Variants in TAFA2 observed in about 807,000 individuals in gnomAD.
TAFA2 encodes TAFA chemokine like family member 2, also known as chemokine-like protein TAFA-2.
Under a neutral mutation model 18.8 loss-of-function variants are expected in TAFA2, and 7 were observed. The ratio of observed to expected loss-of-function variants is 0.37; its 90% CI spans 0.21 to 0.70. The LOEUF is 0.70. TAFA2 is among the 30% of genes least tolerant of loss of function. The pLI is 0.53. For synonymous variants in TAFA2, 60 were observed against 54.2 expected (o/e 1.11, Z -0.47); for missense variants, 122 against 158.1 (o/e 0.77, Z 1.23).
chr12:61,961,170 C>T (rs538585194), intron 1 of TAFA2, among the ~76,000 whole-genome samples: 5 of 151,942 alleles, frequency 3.3e-5, no homozygotes, highest in Admixed American at 6.6e-5. Flanking sequence ...AGGTGCCACA[C>T]ACTTGTAAAC....
chr12:61,813,516 A>AT (rs1163655368), intron 2 of TAFA2, among the ~76,000 whole-genome samples: 3 of 151,148 alleles, frequency 2.0e-5, no homozygotes, highest in African/African-American at 4.9e-5. Context: ...CTCTTTTAGG[A>AT]TTTTTTCCTT....
At chr12:61,954,491 G>T (rs185761432) in intron 1 of TAFA2, among the ~76,000 whole-genome samples, 8 of 152,040 alleles carry the variant, frequency 5.3e-5, no homozygotes, top group Non-Finnish European at 1.2e-4. Context: ...TATGGATTTG[G>T]TTATTCTCAA....
At chr12:62,022,138 G>A in intron 1 of TAFA2, 1 of 440,912 alleles carries the variant, frequency 2.3e-6, no homozygotes, top group Non-Finnish European at 4.5e-6. Context: ...TCTGTGTTCT[G>A]GTGGCTAAGA....
At chr12:61,823,242 A>T (rs1462358578) in intron 2 of TAFA2, among the ~76,000 whole-genome samples, 2 of 151,940 alleles carry the variant, frequency 1.3e-5, no homozygotes, top group Non-Finnish European at 2.9e-5. Context: ...GCATGATCAT[A>T]GCTCACTGCA....
chr12:61,770,115 T>C (rs1309192585), intron 2 of TAFA2, among the ~76,000 whole-genome samples: 4 of 151,630 alleles, frequency 2.6e-5, no homozygotes, highest in Non-Finnish European at 4.4e-5. Flanking sequence ...ATCTCAGCAA[T>C]AGAATTGAAG....
chr12:61,721,029 A>G (rs760531105), intron 4 of TAFA2: 10 of 464,352 alleles, frequency 2.2e-5, no homozygotes, highest in Non-Finnish European at 4.3e-5. Flanking sequence ...GGACAACAAG[A>G]CAATAATGTC....
At chr12:62,099,350 T>C (rs1223686127) in intron 1 of TAFA2, among the ~76,000 whole-genome samples, 1 of 152,186 alleles carries the variant, frequency 6.6e-6, no homozygotes, top group Non-Finnish European at 1.5e-5. Flanking sequence ...TCAGTCTTCT[T>C]AACTGCAGTA....
intron 1 of TAFA2, among the ~76,000 whole-genome samples, chr12:62,214,566 A>G (rs759590725): frequency 1.3e-5 from 2 of 152,226 alleles, no homozygotes; most frequent in Non-Finnish European, 2.9e-5. Flanking sequence ...AACTCCTACT[A>G]TCTCAGAATG....
intron 1 of TAFA2, among the ~76,000 whole-genome samples, chr12:62,127,119 G>T (rs371100083): frequency 2.6e-5 from 4 of 152,094 alleles, no homozygotes; most frequent in East Asian, 3.9e-4. Context: ...TTCATCATGG[G>T]TTTATGTATT....
At chr12:61,806,332 C>T (rs1871611566) in intron 2 of TAFA2, among the ~76,000 whole-genome samples, 1 of 152,076 alleles carries the variant, frequency 6.6e-6, no homozygotes, top group Admixed American at 6.6e-5. Context: ...GGGGGAGTTT[C>T]CCTGCACAAG....
At chr12:61,978,526 C>T (rs930135587) in intron 1 of TAFA2, among the ~76,000 whole-genome samples, 1 of 151,670 alleles carries the variant, frequency 6.6e-6, no homozygotes, top group African/African-American at 2.4e-5. Flanking sequence ...ACAGAAGTAC[C>T]ACGGGGGATG....
At chr12:62,089,244 G>T (rs1038740407) in intron 1 of TAFA2, among the ~76,000 whole-genome samples, 3 of 152,084 alleles carry the variant, frequency 2.0e-5, no homozygotes, top group African/African-American at 7.2e-5. Context: ...TTTTTAAAGT[G>T]ATGGGTAATT....
rs55651727 is a variant in TAFA2, at chr12:61,851,774, C to CAAAAAAAAAAAAAAAA, written c.106+15530_106+15545dup. 2.8e-4 allele frequency among the ~76,000 whole-genome samples: 4 copies of CAAAAAAAAAAAAAAAA among 14,502 alleles called. 1 individual carries two copies. The highest frequency in any genetic ancestry group is 6.0e-4 in the African/African-American group (4 of 6,644). The allele number at this position is 14,502 out of a possible 152,430, so 9.5% of individuals were successfully genotyped here. A position where few individuals can be genotyped will look rare whatever the true frequency, so the allele number is the denominator to read the frequency against. ...TGGGCGACAGAGCGAGACTCCATCT[C>CAAAAAAAAAAAAAAAA]AAAAAAAAAAAAAAAAAAAAAAAAA... On this transcript the variant is annotated intron_variant, in intron 2 of 4. Transcript: ENST00000416284.
chr12:61,867,405 C>T lies in TAFA2; in HGVS notation c.21G>A (p.Gln7=), dbSNP rs186809868. 1,165 of 1,586,162 alleles carry T rather than the reference C, an allele frequency of 7.3e-4. 20 individuals are homozygous for T. The East Asian group carries it at 0.023, about 32-fold the overall frequency. ...TTAGCAGTTTTCCTTTTGTTGCTTTCTGTAAGTATCTCTTACTCATCCTGC... is the reference window on the plus strand; with the variant it reads ...TTAGCAGTTTTCCTTTTGTTGCTTTTTGTAAGTATCTCTTACTCATCCTGC... MSKRYL[Q]KATKGKLLII... The change falls in exon 2 of 5, where the codon CAG becomes CAA. Residue 7 remains glutamine (Q), a synonymous_variant. Transcript: ENST00000416284.
At chr12:61,931,809 A>AGG (rs1877566778) in intron 1 of TAFA2, among the ~76,000 whole-genome samples, 1 of 152,200 alleles carries the variant, frequency 6.6e-6, no homozygotes, top group Non-Finnish European at 1.5e-5. Flanking sequence ...TCTGGAACAC[A>AGG]AAAAGTAATA....
intron 1 of TAFA2, among the ~76,000 whole-genome samples, chr12:61,923,485 C>A (rs1877146482): frequency 6.6e-6 from 1 of 152,158 alleles, no homozygotes; most frequent in South Asian, 2.1e-4. Context: ...TCCAGCAGAC[C>A]TGCAGCAGAG....
rs537311403 is a variant in TAFA2, at chr12:62,220,640, A to T, written c.-130+38123T>A. 9.2e-5 allele frequency among the ~76,000 whole-genome samples: 14 copies of T among 152,348 alleles called. No individual in the cohort carries two copies. The South Asian group carries it at 2.9e-3, about 32-fold the overall frequency. On this transcript the variant is annotated intron_variant, in intron 1 of 5. Coordinates refer to the TAFA2 transcript ENST00000551619. ...TAAGTTCATTGACTGTAACAAATGT[A>T]CCACTCTGGTGGGAGATGTTGATAG...
At chr12:61,763,781 G>A (rs1377741093) in intron 2 of TAFA2, among the ~76,000 whole-genome samples, 1 of 151,932 alleles carries the variant, frequency 6.6e-6, no homozygotes, top group African/African-American at 2.4e-5. Flanking sequence ...AGGGAACCAA[G>A]CACAGCAGCA....
chr12:61,815,829 T>C (rs937528489), intron 2 of TAFA2, among the ~76,000 whole-genome samples: 2 of 151,324 alleles, frequency 1.3e-5, no homozygotes, highest in Admixed American at 6.6e-5. Context: ...AAATGTTTAT[T>C]GTGCATCTGC....
Sources: allele counts gnomAD v4.1 joint callset (sites outside exome capture counted in the v4.1 genomes callset), GRCh38; gene constraint gnomAD v4.1.1; transcripts MANE v1.5; gene names NCBI Gene and HGNC (gene_info 2026-07-23, HGNC 2026-07-21).